Variants in COL25A1 observed in about 807,000 individuals in gnomAD.
COL25A1 encodes the protein collagen alpha-1(XXV) chain.
A neutral mutation model predicts 128.4 loss-of-function variants in COL25A1; 103 were observed. The ratio of observed to expected loss-of-function variants is 0.80; its 90% CI spans 0.68 to 0.94. The LOEUF (loss-of-function observed/expected upper bound fraction) is 0.94. Ranked by LOEUF, COL25A1 falls within the 40% of genes least tolerant of loss-of-function variation. COL25A1 has a pLI of 0.00. For synonymous variants in COL25A1, 279 were observed against 277.2 expected, an observed-to-expected ratio of 1.01 and a Z score of -0.06; for missense variants, 745 against 840.0, an observed-to-expected ratio of 0.89 and a Z score of 1.40.
chr4:109,136,383 G>A (rs896891806), intron 3 of COL25A1, among the ~76,000 whole-genome samples: 2 of 152,064 alleles, frequency 1.3e-5, no homozygotes, highest in Non-Finnish European at 2.9e-5. Flanking sequence ...TGGGCAAAAA[G>A]AGCAAAACTC....
At chr4:109,138,062 GTACCAT>G in intron 3 of COL25A1, among the ~76,000 whole-genome samples, 1 of 148,920 alleles carries the variant, frequency 6.7e-6, no homozygotes, top group South Asian at 2.2e-4. Context: ...AGGTATACAC[GTACCAT>G]GGTGGTTTGC....
At chr4:109,182,602 C>T (rs556930411) in intron 3 of COL25A1, among the ~76,000 whole-genome samples, 1 of 152,202 alleles carries the variant, frequency 6.6e-6, no homozygotes, top group South Asian at 2.1e-4. Flanking sequence ...TCTGTTCCAA[C>T]AGAGTACTAA....
chr4:109,200,826 T>C (rs908238620), intron 3 of COL25A1, among the ~76,000 whole-genome samples: 1 of 152,116 alleles, frequency 6.6e-6, no homozygotes, highest in Non-Finnish European at 1.5e-5. Context: ...TCAAGGTCTT[T>C]TTCAGATCTT....
chr4:109,279,028 G>C (rs1723106227), intron 3 of COL25A1, among the ~76,000 whole-genome samples: 1 of 148,982 alleles, frequency 6.7e-6, no homozygotes, highest in South Asian at 2.1e-4. Context: ...TCTGGCCTCT[G>C]TCCTCATGAA....
Position 108,846,186 on chromosome 4 carries a change from G to A in COL25A1, c.1468C>T (p.Pro490Ser). The A allele has an allele frequency of 6.2e-6, 10 of 1,613,004 alleles. No individual in the cohort carries two copies. The highest frequency in any genetic ancestry group is 8.5e-6 in the Non-Finnish European group (10 of 1,179,158). The change falls in exon 28 of 38, where the codon CCA becomes TCA. Residue 490 changes from proline (P) to serine (S), a missense_variant. Around this residue, in one of 3 missense-constraint regions of COL25A1, gnomAD observed 387 missense variants for 441.9 expected, o/e 0.88. Coordinates refer to ENST00000399132, the MANE Select transcript of COL25A1 (RefSeq NM_198721.4). ...CCTCCTTTTTCACCTGTCATACCTG[G>A]GTCCCCCATGTCTCCCTTTGAGCCT... is the stretch of plus-strand genomic sequence containing the variant. ...LKGSKGDMGD[P>S]GMTGEKGGIG...
At chr4:109,289,930 TA>T (rs1212622286) in intron 3 of COL25A1, among the ~76,000 whole-genome samples, 2 of 152,098 alleles carry the variant, frequency 1.3e-5, no homozygotes, top group Non-Finnish European at 2.9e-5. Flanking sequence ...TCACATCCTA[TA>T]ATTGTGAAAC....
intron 3 of COL25A1, among the ~76,000 whole-genome samples, chr4:109,297,793 C>A (rs1725115834): frequency 6.7e-6 from 1 of 150,244 alleles, no homozygotes; most frequent in African/African-American, 2.4e-5. Flanking sequence ...AATGGATAGC[C>A]ACTAATATAC....
Position 108,832,363 on chromosome 4 carries a change from C to T in COL25A1, c.1710+17G>A. 5.6e-6 allele frequency: 9 copies of T among 1,596,840 alleles called. No individual in the cohort carries two copies. Among genetic ancestry groups the T allele is most frequent in the Non-Finnish European group, 7.7e-6 (9 of 1,167,084 alleles). On this transcript the variant is annotated intron_variant, in intron 32 of 37. Coordinates refer to ENST00000399132, the MANE Select transcript of COL25A1 (RefSeq NM_198721.4). The stretch of plus-strand genomic sequence containing the variant: ...GTTTTCTTTAGTACAAGCTTAATAA[C>T]CTCAGCAACAACTTACTCTTTCTCC...
chr4:109,109,153 A>G (rs2126035404), intron 3 of COL25A1, among the ~76,000 whole-genome samples: 1 of 152,016 alleles, frequency 6.6e-6, no homozygotes, highest in East Asian at 1.9e-4. Flanking sequence ...CAGTGGCACA[A>G]TCTCTCCTCA....
At chr4:108,906,876 T>C (rs576834972) in intron 13 of COL25A1, among the ~76,000 whole-genome samples, 38 of 152,182 alleles carry the variant, frequency 2.5e-4, no homozygotes, top group Middle Eastern at 6.8e-3. Flanking sequence ...TGAATGAATA[T>C]AGGAGAATCA....
chr4:109,128,370 C>A (rs1361830624), intron 3 of COL25A1, among the ~76,000 whole-genome samples: 1 of 152,196 alleles, frequency 6.6e-6, no homozygotes, highest in African/African-American at 2.4e-5. Context: ...CTGCCAATCT[C>A]AAATTTTTAG....
chr4:108,842,974 AT>A (rs1369745455), intron 30 of COL25A1, among the ~76,000 whole-genome samples: 26 of 152,060 alleles, frequency 1.7e-4, no homozygotes, highest in African/African-American at 6.0e-4. Flanking sequence ...GTGAAACTTC[AT>A]CTATTCAAAA....
At chr4:109,053,151 C>T (rs145929495) in intron 3 of COL25A1, among the ~76,000 whole-genome samples, 96 of 152,094 alleles carry the variant, frequency 6.3e-4, no homozygotes, top group African/African-American at 1.8e-3. Flanking sequence ...CAGAGAGAGA[C>T]GACAAAACCA....
intron 3 of COL25A1, among the ~76,000 whole-genome samples, chr4:109,056,916 C>A (rs1022189291): frequency 3.9e-5 from 6 of 152,174 alleles, no homozygotes; most frequent in Non-Finnish European, 8.8e-5. Flanking sequence ...ATTTAGAGTG[C>A]AGTGGTGATA....
intron 3 of COL25A1, among the ~76,000 whole-genome samples, chr4:109,220,332 G>T (rs187071535): frequency 6.6e-6 from 1 of 152,098 alleles, no homozygotes; most frequent in Admixed American, 6.6e-5. Context: ...CATCCATTTC[G>T]CTTCAGGTAC....
At chr4:109,302,137 T>G (rs576760284) in intron 1 of COL25A1, 32 bp downstream of exon 1, 2 of 1,331,530 alleles carry the variant, frequency 1.5e-6, no homozygotes, top group East Asian at 2.5e-5. Flanking sequence ...CACAACTAGT[T>G]GGTGGAGTCA....
chr4:108,888,680 A>T (rs1318581791), intron 18 of COL25A1, among the ~76,000 whole-genome samples: 2 of 152,212 alleles, frequency 1.3e-5, no homozygotes, highest in Non-Finnish European at 2.9e-5. Flanking sequence ...AATTTAGTTC[A>T]TTAACAAATT....
chr4:109,050,284 CA>C, intron 3 of COL25A1, 105 bp from the exon 4 acceptor site: 1 of 792,146 alleles, frequency 1.3e-6, no homozygotes, highest in Non-Finnish European at 2.0e-6. Flanking sequence ...TTTTAACTAC[CA>C]ACTTCAAGAA....
At chr4:108,973,239 G>A (rs1001008559) in intron 8 of COL25A1, among the ~76,000 whole-genome samples, 6 of 152,182 alleles carry the variant, frequency 3.9e-5, no homozygotes, top group Non-Finnish European at 1.5e-5. Context: ...AGTGGATAAC[G>A]TGGTGTTTAA....
Sources: allele counts gnomAD v4.1 joint callset (sites outside exome capture counted in the v4.1 genomes callset), GRCh38; gene constraint gnomAD v4.1.1; regional missense constraint gnomAD v4.1.1; transcripts MANE v1.5; gene names NCBI Gene and HGNC (gene_info 2026-07-23, HGNC 2026-07-21).